MAF: variants seen among roughly 807,000 people sequenced by gnomAD.
MAF encodes MAF bZIP transcription factor, also known as transcription factor Maf.
In MAF, 10 loss-of-function variants were observed where a neutral mutation model predicts 22.0. The observed-to-expected ratio is 0.45, with a 90% confidence interval of 0.28 to 0.77. MAF has a LOEUF of 0.77. Among genes scored for constraint, MAF ranks in the 30% least tolerant of loss-of-function variants. The pLI, the probability that MAF is intolerant of heterozygous loss-of-function variation, is 0.12. For synonymous variants in MAF, 337 were observed against 255.8 expected (o/e 1.32, Z -3.03); for missense variants, 544 against 548.4 (o/e 0.99, Z 0.08).
the MAF span, among the ~76,000 whole-genome samples, chr16:79,285,328 C>T: frequency 6.6e-6 from 1 of 152,162 alleles, no homozygotes; most frequent in South Asian, 2.1e-4. Context: ...TTCCTTAGGT[C>T]CATTCTGGGC....
At chr16:79,410,761 G>C in the MAF span, among the ~76,000 whole-genome samples, 1 of 152,238 alleles carries the variant, frequency 6.6e-6, no homozygotes, top group South Asian at 2.1e-4. Flanking sequence ...CCAGAGAAAG[G>C]AAAGAGCCTG....
chr16:79,425,970 G>A, the MAF span, among the ~76,000 whole-genome samples: 3 of 152,212 alleles, frequency 2.0e-5, no homozygotes, highest in Admixed American at 2.0e-4. Flanking sequence ...ACTTTGGGAG[G>A]CTGACACAGG....
At chr16:79,537,278 G>T in the MAF span, among the ~76,000 whole-genome samples, 1 of 152,158 alleles carries the variant, frequency 6.6e-6, no homozygotes, top group Admixed American at 6.5e-5. Context: ...TGCAACAAAA[G>T]TATATCCAAA....
At chr16:79,397,647 C>T in the MAF span, among the ~76,000 whole-genome samples, 4 of 152,154 alleles carry the variant, frequency 2.6e-5, no homozygotes, top group African/African-American at 9.7e-5. Flanking sequence ...TCCTGACATC[C>T]AGGGCTTGCT....
At chr16:79,283,984 A>AAAC in the MAF span, among the ~76,000 whole-genome samples, 12 of 72,526 alleles carry the variant, frequency 1.7e-4, no homozygotes, top group African/African-American at 6.2e-4. Flanking sequence ...AAAAAAAAAA[A>AAAC]AGACAAAGCC....
chr16:79,487,564 G>A, the MAF span, among the ~76,000 whole-genome samples: 984 of 152,224 alleles, frequency 6.5e-3, 2 homozygotes, highest in Non-Finnish European at 0.012. Flanking sequence ...TGAAGAAAAA[G>A]AACAGGAAGA....
the MAF span, among the ~76,000 whole-genome samples, chr16:79,339,339 G>A: frequency 2.0e-5 from 3 of 152,200 alleles, no homozygotes; most frequent in Non-Finnish European, 2.9e-5. Flanking sequence ...GATTACAGGC[G>A]TGAGCCACCG....
chr16:79,212,825 G>C, the MAF span: 1 of 152,192 alleles, frequency 6.6e-6, no homozygotes, highest in African/African-American at 2.4e-5. Context: ...CTCTGAGTGA[G>C]TTTGTGTTTT....
the MAF span, among the ~76,000 whole-genome samples, chr16:79,227,687 TG>T: frequency 6.6e-6 from 1 of 152,052 alleles, no homozygotes; most frequent in East Asian, 1.9e-4. Context: ...GCTGAAGTAT[TG>T]ATTTTTTTTT....
At chr16:79,266,845 C>A in the MAF span, among the ~76,000 whole-genome samples, 4 of 152,158 alleles carry the variant, frequency 2.6e-5, no homozygotes, top group Admixed American at 2.6e-4. Flanking sequence ...AGGTACCAAC[C>A]AGTAATGCTC....
the MAF span, among the ~76,000 whole-genome samples, chr16:79,210,793 A>T: frequency 6.6e-6 from 1 of 152,126 alleles, no homozygotes. Flanking sequence ...GGATGATATG[A>T]TGCCTCATCA....
At chr16:79,528,193 T>A in the MAF span, among the ~76,000 whole-genome samples, 1 of 152,208 alleles carries the variant, frequency 6.6e-6, no homozygotes, top group East Asian at 1.9e-4. Flanking sequence ...GCCAGGGATC[T>A]CATATTCCAA....
the MAF span, among the ~76,000 whole-genome samples, chr16:79,345,182 C>T: frequency 1.2e-4 from 16 of 136,840 alleles, no homozygotes; most frequent in African/African-American, 2.4e-4. Context: ...TTTGTATAGT[C>T]TTCTCATTTG....
At chr16:79,211,550 G>C in the MAF span, 4 of 1,609,880 alleles carry the variant, frequency 2.5e-6, no homozygotes, top group Non-Finnish European at 3.4e-6. Flanking sequence ...TCGAAATGAC[G>C]CCATCTCATC....
At chr16:79,336,547 T>C in the MAF span, among the ~76,000 whole-genome samples, 1 of 152,232 alleles carries the variant, frequency 6.6e-6, no homozygotes, top group Non-Finnish European at 1.5e-5. Flanking sequence ...TTCATTGTCC[T>C]ATTTTCTTCT....
chr16:79,564,144 G>A, the MAF span, among the ~76,000 whole-genome samples: 2 of 152,244 alleles, frequency 1.3e-5, no homozygotes, highest in Non-Finnish European at 2.9e-5. Flanking sequence ...TCTGCTAAGT[G>A]GCTTTCACTA....
the MAF span, among the ~76,000 whole-genome samples, chr16:79,445,278 C>T: frequency 3.9e-5 from 6 of 151,922 alleles, no homozygotes; most frequent in South Asian, 1.2e-3. Context: ...CTCCTGACCT[C>T]GTGATCTGCC....
chr16:79,274,696 T>TG, the MAF span, among the ~76,000 whole-genome samples: 2 of 152,146 alleles, frequency 1.3e-5, no homozygotes, highest in Non-Finnish European at 2.9e-5. Context: ...AAGAATGGTC[T>TG]TTGTACCATC....
At chr16:79,384,497 C>A in the MAF span, among the ~76,000 whole-genome samples, 22 of 149,914 alleles carry the variant, frequency 1.5e-4, no homozygotes, top group Admixed American at 1.3e-3. Context: ...GTGGCTCACG[C>A]CTGTAATCCC....
Sources: gnomAD v4.1 joint callset for allele counts (sites outside exome capture counted in the v4.1 genomes callset) on GRCh38, gnomAD v4.1.1 for gene constraint, MANE v1.5 for transcripts, NCBI Gene and HGNC (gene_info 2026-07-23, HGNC 2026-07-21) for gene names.